The following SRP54 variants were observed in gnomAD, a reference collection of about 807,000 sequenced individuals.
SRP54 encodes signal recognition particle 54.
A neutral mutation model predicts 64.8 loss-of-function variants in SRP54; 10 were observed. That is an observed-to-expected ratio of 0.15 (90% CI 0.10 to 0.26). The LOEUF is 0.26. Among genes scored for constraint, SRP54 ranks in the 10% least tolerant of loss-of-function variants. The pLI is 1.00. For synonymous variants in SRP54, 193 were observed against 185.6 expected (o/e 1.04, Z -0.32); for missense variants, 325 against 613.7 (o/e 0.53, Z 4.97).
In SRP54 at chr14:35,000,963, A is replaced by C. The variant is rs759408208; in HGVS notation, c.198A>C (p.Ala66=). 6.3e-7 allele frequency: 1 copy of C among 1,595,036 alleles called. No individual in the cohort carries two copies. Among genetic ancestry groups the C allele is most frequent in the Non-Finnish European group, 8.5e-7 (1 of 1,171,612 alleles). Residue 66 remains alanine, a synonymous_variant, in exon 4 of 16, where the codon GCA becomes GCC. Coordinates refer to ENST00000216774, the MANE Select transcript of SRP54 (RefSeq NM_003136.4). ...VKSAIDLEEM[A]SGLNKRKMIQ... is the part of the protein sequence containing the mutation. ...CTGCTATTGATCTTGAAGAGATGGC[A>C]TCTGGTCTTAACAAAAGAAAAATGA...
chr14:35,011,889 A>G (rs1405630896), intron 8 of SRP54, among the ~76,000 whole-genome samples: 1 of 152,194 alleles, frequency 6.6e-6, no homozygotes, highest in African/African-American at 2.4e-5. Context: ...TTCCTTTCTC[A>G]GTCATCCTAT....
chr14:35,005,091 G>C (rs946385313), intron 4 of SRP54, among the ~76,000 whole-genome samples: 7 of 152,198 alleles, frequency 4.6e-5, no homozygotes, highest in African/African-American at 1.7e-4. Flanking sequence ...CAGCACTTCA[G>C]GAGGCCAAGG....
chr14:34,987,532 A>G (rs749648995), intron 1 of SRP54, among the ~76,000 whole-genome samples: 6 of 152,038 alleles, frequency 3.9e-5, no homozygotes, highest in East Asian at 1.9e-4. Flanking sequence ...ATGTGGAACC[A>G]TAATATGTGA....
intron 10 of SRP54, 60 bp from the exon 11 acceptor site, chr14:35,014,684 T>C: frequency 7.9e-7 from 1 of 1,271,934 alleles, no homozygotes; most frequent in Non-Finnish European, 1.1e-6. Flanking sequence ...GAATGTGTTT[T>C]GTATAATGTG....
In SRP54 at chr14:35,008,668, A is replaced by T; in HGVS notation, c.402A>T (p.Leu134Phe). 1 of 1,598,614 alleles carries T rather than the reference A, an allele frequency of 6.3e-7. No individual in the cohort carries two copies. The highest frequency in any genetic ancestry group is 2.3e-5 in the East Asian group (1 of 44,428). Residue 134 changes from leucine (L) to phenylalanine (F), a missense_variant, in exon 6 of 16, where the codon TTA becomes TTT. Physicochemically the swap from Leu to Phe is conservative, Grantham distance 22. Transcript: ENST00000216774. ...AGAGGAAAGGTTGGAAGACCTGTTTAATATGTGCAGACACATTCAGAGCAG... is the reference window on the plus strand; with the variant it reads ...AGAGGAAAGGTTGGAAGACCTGTTTTATATGTGCAGACACATTCAGAGCAG... ...YYQRKGWKTC[L>F]ICADTFRAGA...
chr14:35,023,264 A>T (rs1397524513), intron 14 of SRP54, among the ~76,000 whole-genome samples, 184 bp downstream of exon 14: 2 of 152,042 alleles, frequency 1.3e-5, no homozygotes, highest in Non-Finnish European at 2.9e-5. Context: ...TTTAAAAAAA[A>T]ACTTTACATC....
intron 10 of SRP54, 84 bp downstream of exon 10, chr14:35,013,986 C>T (rs2044396459): frequency 1.0e-6 from 1 of 993,566 alleles, no homozygotes; most frequent in Admixed American, 2.2e-5. Flanking sequence ...ATTCTGTCCT[C>T]ACTAATTTAA....
intron 4 of SRP54, among the ~76,000 whole-genome samples, chr14:35,002,363 AC>A (rs1295573457): frequency 2.0e-5 from 3 of 152,138 alleles, no homozygotes; most frequent in East Asian, 3.9e-4. Flanking sequence ...TTAAAAAAAA[AC>A]AAACAAAAAA....
chr14:35,002,871 A>T (rs2044199113), intron 4 of SRP54, among the ~76,000 whole-genome samples: 1 of 150,370 alleles, frequency 6.7e-6, no homozygotes, highest in Non-Finnish European at 1.5e-5. Context: ...AGTGCCCCCC[A>T]AGTAGCTGGG....
intron 1 of SRP54, among the ~76,000 whole-genome samples, chr14:34,991,287 G>A (rs987317795): frequency 1.5e-4 from 22 of 151,342 alleles, no homozygotes; most frequent in Admixed American, 1.1e-3. Flanking sequence ...CTGCCACCGC[G>A]CCTGGCTAAT....
rs1335654383 is a variant in SRP54, at chr14:35,013,495, G to A, written c.785+1G>A. On this transcript the variant is annotated splice_donor_variant, in intron 9 of 15. Coordinates refer to ENST00000216774, the MANE Select transcript of SRP54 (RefSeq NM_003136.4). LOFTEE classifies it high-confidence loss of function. ...CAAAAGGAGGTGGTGCACTCAGTGC[G>A]TAAGTATCATTGATACTGTTGTCCT... 1 of 1,613,644 alleles carries A rather than the reference G, an allele frequency of 6.2e-7. No homozygotes were observed. The highest frequency in any genetic ancestry group is 8.5e-7 in the Non-Finnish European group (1 of 1,179,780).
chr14:35,013,195 TCCAC>T, intron 8 of SRP54, 147 bp from the exon 9 acceptor site: 1 of 643,364 alleles, frequency 1.6e-6, no homozygotes, highest in Non-Finnish European at 2.6e-6. Flanking sequence ...TCTCAGGTGA[TCCAC>T]CTGGCTCGGC....
chr14:35,017,298 A>G (rs1040851884), intron 11 of SRP54, among the ~76,000 whole-genome samples: 1 of 151,734 alleles, frequency 6.6e-6, no homozygotes, highest in Admixed American at 6.6e-5. Flanking sequence ...CTAATATTCT[A>G]CTCATTCTGA....
chr14:34,988,970 C>T (rs2043945871), intron 1 of SRP54, among the ~76,000 whole-genome samples: 2 of 151,924 alleles, frequency 1.3e-5, no homozygotes, highest in African/African-American at 2.4e-5. Context: ...ATATTTATAT[C>T]CTTAAGAAAA....
intron 4 of SRP54, among the ~76,000 whole-genome samples, chr14:35,004,087 A>T (rs556497580): frequency 1.3e-4 from 18 of 136,220 alleles, no homozygotes; most frequent in African/African-American, 3.9e-4. Flanking sequence ...TCTACTAAAT[A>T]AAAAAAAAAA....
intron 4 of SRP54, among the ~76,000 whole-genome samples, chr14:35,006,022 G>T (rs950243051): frequency 6.6e-6 from 1 of 151,880 alleles, no homozygotes; most frequent in Non-Finnish European, 1.5e-5. Context: ...TGTATTTTTA[G>T]CAGAGATGGG....
At position 34,999,611 on chromosome 14, in the gene SRP54, T is replaced by C; in HGVS notation, c.132T>C (p.Val44=). The C allele has an allele frequency of 6.2e-7, 1 of 1,613,514 alleles. No individual in the cohort carries two copies. The highest frequency in any genetic ancestry group is 1.1e-5 in the South Asian group (1 of 91,062). ...EVCTALLEAD[V]NIKLVKQLRE... is the part of the protein sequence containing the mutation. ...GTACCGCTTTGTTGGAAGCAGATGTTAATATTAAACTAGTGAAGCAACTAA... is the reference window on the plus strand; with the variant it reads ...GTACCGCTTTGTTGGAAGCAGATGTCAATATTAAACTAGTGAAGCAACTAA... Residue 44 remains valine (V), a synonymous_variant, in exon 3 of 16, where the codon GTT becomes GTC. Transcript: ENST00000216774.
chr14:34,997,940 G>C (rs2044095860), intron 2 of SRP54, among the ~76,000 whole-genome samples: 1 of 152,108 alleles, frequency 6.6e-6, no homozygotes, highest in African/African-American at 2.4e-5. Flanking sequence ...TGTGTTTATA[G>C]TAGAAAGGAA....
intron 2 of SRP54, among the ~76,000 whole-genome samples, chr14:34,998,095 A>G (rs1280893180): frequency 6.6e-6 from 1 of 152,024 alleles, no homozygotes; most frequent in Non-Finnish European, 1.5e-5. Flanking sequence ...ATTTTAGCAG[A>G]CCCGTTTAAT....
Sources: gnomAD v4.1 joint callset for allele counts (sites outside exome capture counted in the v4.1 genomes callset) on GRCh38, gnomAD v4.1.1 for gene constraint, MANE v1.5 for transcripts, NCBI Gene and HGNC (gene_info 2026-07-23, HGNC 2026-07-21) for gene names.